SLC39A14: variants seen among roughly 807,000 people sequenced by gnomAD.
SLC39A14 encodes the protein solute carrier family 39 member 14, also known as metal cation symporter ZIP14.
In SLC39A14, 19 loss-of-function variants were observed where a neutral mutation model predicts 45.5. The observed-to-expected ratio is 0.42, with a 90% confidence interval of 0.29 to 0.61. SLC39A14 has a LOEUF of 0.61. Among genes scored for constraint, SLC39A14 ranks in the 20% least tolerant of loss-of-function variants. The pLI is 0.22. For missense variants in SLC39A14, 447 were observed against 616.5 expected (o/e 0.73, Z 2.91); for synonymous variants, 264 against 251.3 (o/e 1.05, Z -0.48).
rs780943501 is a variant in SLC39A14, at chr8:22,415,776, A to G, written c.758A>G (p.His253Arg). ...TCCCTGTCACCCTTCCAGCATCATC[A>G]TGGACACAGCCATTATGCCTCTGAG... is the stretch of plus-strand genomic sequence containing the variant. ...ILLKQKNEHH[H>R]GHSHYASESL... The change falls in exon 6 of 9, where the codon CAT becomes CGT. Residue 253 changes from histidine (H) to arginine (R), a missense_variant. Around this residue, in one of 2 missense-constraint regions of SLC39A14, gnomAD observed 342 missense variants for 428.1 expected, o/e 0.80. Coordinates refer to ENST00000381237, the MANE Select transcript of SLC39A14 (RefSeq NM_001128431.4). 20 of 1,611,140 alleles carry G rather than the reference A, an allele frequency of 1.2e-5. 1 individual carries two copies. The South Asian group carries it at 2.1e-4, about 17-fold the overall frequency.
chr8:22,408,382 C>T lies in SLC39A14; in HGVS notation c.343C>T (p.Gln115Ter). 6.2e-7 allele frequency: 1 copy of T among 1,614,246 alleles called. No individual in the cohort carries two copies. Among genetic ancestry groups the T allele is most frequent in the Non-Finnish European group, 8.5e-7 (1 of 1,180,052 alleles). The change falls in exon 3 of 9, where the codon CAG (glutamine) becomes TAG (stop). Residue 115 changes from glutamine to a stop codon, truncating the protein, a stop_gained. Transcript: ENST00000381237. LOFTEE classifies it high-confidence loss of function. ...EQSRIGSSEL[Q>*]EFCPTILQQL... ...GTCGCGGATTGGGAGCAGCGAGCTCCAGGAGTTCTGCCCCACCATCCTCCA... is the reference window on the plus strand; with the variant it reads ...GTCGCGGATTGGGAGCAGCGAGCTCTAGGAGTTCTGCCCCACCATCCTCCA...
In SLC39A14 at chr8:22,421,385, T is replaced by G. The variant is rs1836220835; in HGVS notation, c.*1687T>G. 1 of 985,882 alleles carries G rather than the reference T, an allele frequency of 1.0e-6. No individual in the cohort carries two copies. The highest frequency in any genetic ancestry group is 1.1e-4 in the East Asian group (1 of 8,824). The allele number at this position is 985,882 out of a possible 1,614,324, so 61.1% of individuals were successfully genotyped here. On this transcript the variant is annotated 3_prime_UTR_variant, in exon 9 of 9. Coordinates refer to ENST00000381237, the MANE Select transcript of SLC39A14 (RefSeq NM_001128431.4). ...GAAAAACTGCTGGTGATACTTTTTTTAAGTTTTGTTTTTATCTTGCCTGTT... is the reference window on the plus strand; with the variant it reads ...GAAAAACTGCTGGTGATACTTTTTTGAAGTTTTGTTTTTATCTTGCCTGTT...
intron 1 of SLC39A14, among the ~76,000 whole-genome samples, chr8:22,376,569 G>T (rs1399976010): frequency 1.3e-5 from 2 of 151,484 alleles, no homozygotes; most frequent in Non-Finnish European, 2.9e-5. Flanking sequence ...TGGGTTTTCT[G>T]TTGTTGTTGT....
intron 2 of SLC39A14, among the ~76,000 whole-genome samples, chr8:22,406,396 TGGG>T (rs1304638321): frequency 1.1e-5 from 1 of 94,556 alleles, no homozygotes; most frequent in African/African-American, 7.4e-5. Flanking sequence ...CCTCAAAAGT[TGGG>T]GGGGAGGAGC....
intron 1 of SLC39A14, among the ~76,000 whole-genome samples, chr8:22,369,285 G>A (rs1375197992): frequency 6.6e-6 from 1 of 152,212 alleles, no homozygotes; most frequent in Non-Finnish European, 1.5e-5. Context: ...GGAGGGCAGT[G>A]CTGAGCGGGA....
chr8:22,368,516 ATTTTATTTTATTTTATTTTATTGTATTT>A (rs1425673457), intron 1 of SLC39A14, among the ~76,000 whole-genome samples: 3,225 of 46,560 alleles, frequency 0.069, 132 homozygotes, highest in African/African-American at 0.26. Context: ...ATTTTATTTT[ATTTTATTTTATTTTATTTTATTGTATTT>A]TATTTTATTT....
At chr8:22,395,217 C>G (rs1168241617) in intron 1 of SLC39A14, among the ~76,000 whole-genome samples, 1 of 152,120 alleles carries the variant, frequency 6.6e-6, no homozygotes, top group Non-Finnish European at 1.5e-5. Context: ...GCCATATTGA[C>G]CAGGTTGGTC....
At chr8:22,387,869 G>T (rs1833870180) in intron 1 of SLC39A14, among the ~76,000 whole-genome samples, 1 of 152,220 alleles carries the variant, frequency 6.6e-6, no homozygotes, top group South Asian at 2.1e-4. Flanking sequence ...AGGCCAAGGT[G>T]GGCAGATCAC....
chr8:22,424,350 A>C (rs1586760919), downstream of SLC39A14, among the ~76,000 whole-genome samples: 1 of 152,224 alleles, frequency 6.6e-6, no homozygotes, highest in Non-Finnish European at 1.5e-5. Flanking sequence ...CGACAACAGA[A>C]ATGACCAGTA....
chr8:22,420,151 T>G lies in SLC39A14; in HGVS notation c.*453T>G. 1.0e-6 allele frequency: 1 copy of G among 986,550 alleles called. No individual in the cohort carries two copies. The highest frequency in any genetic ancestry group is 1.2e-6 in the Non-Finnish European group (1 of 830,780). The allele number at this position is 986,550 out of a possible 1,614,324, so 61.1% of individuals were successfully genotyped here. A position where few individuals can be genotyped will look rare whatever the true frequency, so the allele number is the denominator to read the frequency against. On this transcript the variant is annotated 3_prime_UTR_variant, in exon 9 of 9. Transcript: ENST00000381237. ...TAGCTGGGCACCTTGGACCTCCAGCTGGCCAATAGAAGAGACAGGAGACAG... is the reference window on the plus strand; with the variant it reads ...TAGCTGGGCACCTTGGACCTCCAGCGGGCCAATAGAAGAGACAGGAGACAG...
In SLC39A14 at chr8:22,419,716, G is replaced by A; in HGVS notation, c.*18G>A. 6.4e-7 allele frequency: 1 copy of A among 1,569,916 alleles called. No individual in the cohort carries two copies. Among genetic ancestry groups the A allele is most frequent in the Non-Finnish European group, 8.6e-7 (1 of 1,158,102 alleles). On this transcript the variant is annotated 3_prime_UTR_variant, in exon 9 of 9. Coordinates refer to ENST00000381237, the MANE Select transcript of SLC39A14 (RefSeq NM_001128431.4). ...TTGGGTAGGGCTCTGCCAAGAGCCT[G>A]TGGGACTGGAAGTCGGGCCCTGGGC...
At chr8:22,413,947 A>ATT (rs879573857) in intron 4 of SLC39A14, among the ~76,000 whole-genome samples, 6 of 144,708 alleles carry the variant, frequency 4.1e-5, no homozygotes, top group African/African-American at 1.5e-4. Flanking sequence ...TAATTTTTGT[A>ATT]TTTTTTTTTT....
At chr8:22,406,627 G>A (rs890556619) in intron 2 of SLC39A14, among the ~76,000 whole-genome samples, 3 of 152,224 alleles carry the variant, frequency 2.0e-5, no homozygotes. Context: ...AGGAGGCAGA[G>A]GTCGCAGTGA....
exon 9 of SLC39A14, chr8:22,433,923 G>T (rs1242382076): frequency 2.3e-6 from 1 of 428,044 alleles, no homozygotes; most frequent in Non-Finnish European, 4.7e-6. Flanking sequence ...AGGCTGGAGT[G>T]CAATGGTGCC....
intron 8 of SLC39A14, among the ~76,000 whole-genome samples, chr8:22,431,323 A>G (rs909339191): frequency 5.3e-5 from 8 of 152,202 alleles, no homozygotes; most frequent in Admixed American, 1.3e-4. Context: ...CAGATTATAC[A>G]TTATAATATA....
intron 1 of SLC39A14, among the ~76,000 whole-genome samples, chr8:22,401,708 G>A (rs1563551154): frequency 6.6e-6 from 1 of 151,802 alleles, no homozygotes; most frequent in African/African-American, 2.4e-5. Flanking sequence ...GCTAATTTTT[G>A]TATTTTTACT....
At chr8:22,381,918 A>T (rs542397765) in intron 1 of SLC39A14, among the ~76,000 whole-genome samples, 1 of 152,306 alleles carries the variant, frequency 6.6e-6, no homozygotes, top group South Asian at 2.1e-4. Flanking sequence ...AGGCAGGTGG[A>T]TCACCTGAGA....
downstream of SLC39A14, among the ~76,000 whole-genome samples, chr8:22,425,798 C>T (rs201403760): frequency 7.1e-6 from 1 of 140,034 alleles, no homozygotes; most frequent in Non-Finnish European, 1.6e-5. Flanking sequence ...AAGATGGTAG[C>T]ATCAATTATG....
At chr8:22,378,184 C>T (rs1473733225) in intron 1 of SLC39A14, among the ~76,000 whole-genome samples, 1 of 152,180 alleles carries the variant, frequency 6.6e-6, no homozygotes, top group African/African-American at 2.4e-5. Context: ...TACTGCCTGG[C>T]CCTGCCACCT....
Sources: allele counts gnomAD v4.1 joint callset (sites outside exome capture counted in the v4.1 genomes callset), GRCh38; gene constraint gnomAD v4.1.1; regional missense constraint gnomAD v4.1.1; transcripts MANE v1.5; gene names NCBI Gene and HGNC (gene_info 2026-07-23, HGNC 2026-07-21).